The following PNPT1 variants were observed in gnomAD, a reference collection of about 807,000 sequenced individuals.
The protein encoded by PNPT1 is polyribonucleotide nucleotidyltransferase 1, also known as polyribonucleotide nucleotidyltransferase 1, mitochondrial.
PNPT1 carries 53 observed loss-of-function variants against 119.5 expected under a neutral mutation model. The observed-to-expected ratio is 0.44, with a 90% CI of 0.36 to 0.56. The LOEUF (loss-of-function observed/expected upper bound fraction) is 0.56, where lower values mean the gene tolerates loss of function less well. Ranked by LOEUF, PNPT1 falls within the 20% of genes least tolerant of loss-of-function variation. PNPT1 has a pLI of 0.00. For missense variants in PNPT1, 948 were observed against 938.5 expected, an observed-to-expected ratio of 1.01 and a Z score of -0.13; for synonymous variants, 357 against 322.1, an observed-to-expected ratio of 1.11 and a Z score of -1.16.
At chr2:55,662,225 G>A (rs1696601618) in intron 13 of PNPT1, among the ~76,000 whole-genome samples, 199 bp from the exon 14 acceptor site, 1 of 152,256 alleles carries the variant, frequency 6.6e-6, no homozygotes, top group Admixed American at 6.5e-5. Context: ...ATAATCCAAA[G>A]TTCTAACATC....
intron 1 of PNPT1, among the ~76,000 whole-genome samples, chr2:55,692,790 G>A (rs939421132): frequency 2.0e-5 from 3 of 152,060 alleles, no homozygotes; most frequent in South Asian, 4.1e-4. Context: ...CACACTTTAG[G>A]CAATCAATTA....
At chr2:55,661,536 G>T (rs560988889) in intron 14 of PNPT1, among the ~76,000 whole-genome samples, 1 of 152,254 alleles carries the variant, frequency 6.6e-6, no homozygotes, top group South Asian at 2.1e-4. Flanking sequence ...AAATCACAAC[G>T]TGGCTTGGGA....
intron 5 of PNPT1, among the ~76,000 whole-genome samples, chr2:55,681,334 G>T (rs1202597448): frequency 2.0e-5 from 3 of 152,078 alleles, no homozygotes; most frequent in Non-Finnish European, 4.4e-5. Flanking sequence ...TTCAACCCAG[G>T]AGGCAGAGGT....
intron 18 of PNPT1, among the ~76,000 whole-genome samples, chr2:55,652,661 T>G (rs968266306): frequency 5.9e-5 from 9 of 152,200 alleles, no homozygotes; most frequent in African/African-American, 2.2e-4. Flanking sequence ...TTATTTAGTC[T>G]AAATTTCTGC....
intron 18 of PNPT1, among the ~76,000 whole-genome samples, chr2:55,650,349 T>G (rs1328167067): frequency 1.3e-5 from 2 of 152,216 alleles, no homozygotes; most frequent in African/African-American, 4.8e-5. Flanking sequence ...TTCGCTGTGT[T>G]GGCTGGGCTG....
In PNPT1 at chr2:55,683,844, GA is replaced by G. The variant is rs758474535; in HGVS notation, c.404-11del. 1.7e-5 allele frequency: 27 copies of G among 1,579,274 alleles called. No individual in the cohort carries two copies. The highest frequency in any genetic ancestry group is 9.6e-5 in the African/African-American group (7 of 72,950). On this transcript the variant is annotated splice_polypyrimidine_tract_variant and intron_variant, in intron 4 of 27. Transcript: ENST00000447944. Reference sequence around the variant, plus strand: ...GGTCTAATTGAACGATCTGCCAAAAGAAAAAAAAACACATTAAACCGTACTG... The same window carrying G: ...GGTCTAATTGAACGATCTGCCAAAAGAAAAAAAACACATTAAACCGTACTG...
At chr2:55,651,364 C>T (rs1465211090) in intron 18 of PNPT1, among the ~76,000 whole-genome samples, 1 of 152,034 alleles carries the variant, frequency 6.6e-6, no homozygotes, top group East Asian at 1.9e-4. Context: ...ATTGAGAAAT[C>T]GGATGGTTGC....
chr2:55,689,769 T>A (rs944391909), intron 1 of PNPT1, among the ~76,000 whole-genome samples: 4 of 152,204 alleles, frequency 2.6e-5, no homozygotes, highest in African/African-American at 9.7e-5. Context: ...ATGGTGGTAA[T>A]GGCTGCAAAA....
At chr2:55,692,997 GGTCTCTTTTTTTTGCT>G (rs1697669719) in intron 1 of PNPT1, among the ~76,000 whole-genome samples, 1 of 151,770 alleles carries the variant, frequency 6.6e-6, no homozygotes, top group Non-Finnish European at 1.5e-5. Context: ...CCTCCCTCTT[GGTCTCTTTTTTTTGCT>G]GTCTCTTTCT....
chr2:55,679,726 C>A lies in PNPT1; in HGVS notation c.635G>T (p.Ser212Ile), dbSNP rs1010322579. The change falls in exon 8 of 28, where the codon AGT (serine) becomes ATT (isoleucine). Residue 212 changes from serine (S) to isoleucine (I), a missense_variant. Physicochemically the swap from Ser to Ile is moderately radical, Grantham distance 142. Coordinates refer to ENST00000447944, the MANE Select transcript of PNPT1 (RefSeq NM_033109.5). ...VNPTRKEMSSSTLNLVVAGAP... is the reference protein window; with the variant it reads ...VNPTRKEMSSITLNLVVAGAP... The stretch of plus-strand genomic sequence containing the variant: ...TCCAGCAACCACTAAATTTAAAGTA[C>A]TAGAAGACATTTCTTTTCTTGTTGG... 1 of 1,612,728 alleles carries A rather than the reference C, an allele frequency of 6.2e-7. No individual in the cohort carries two copies.
chr2:55,684,823 T>A, intron 4 of PNPT1, 120 bp downstream of exon 4: 1 of 1,237,598 alleles, frequency 8.1e-7, no homozygotes, highest in Non-Finnish European at 1.0e-6. Context: ...GTGAATAATC[T>A]TAGGTGGTGT....
rs117414261 is a variant in PNPT1 at position 55,678,143 on chromosome 2, T to G, written c.679+1539A>C. On this transcript the variant is annotated intron_variant, in intron 8 of 27. Transcript: ENST00000447944. The stretch of plus-strand genomic sequence containing the variant: ...GACTCTTATCTTCATAACTACCCTG[T>G]AAAGTAATGAGACTAGTTTACTAAC... Among the ~76,000 whole-genome samples the G allele has an allele frequency of 2.0e-5, 3 of 152,340 alleles. No individual in the cohort carries two copies. The East Asian group carries it at 5.8e-4, about 29-fold the overall frequency.
intron 18 of PNPT1, among the ~76,000 whole-genome samples, chr2:55,649,480 T>G (rs978976955): frequency 6.6e-6 from 1 of 152,212 alleles, no homozygotes; most frequent in African/African-American, 2.4e-5. Flanking sequence ...TTACCCTAAA[T>G]ATTAAAATAC....
At chr2:55,682,319 GTGTGGTGGCAGACACCT>G (rs1697273520) in intron 5 of PNPT1, among the ~76,000 whole-genome samples, 1 of 151,642 alleles carries the variant, frequency 6.6e-6, no homozygotes, top group Admixed American at 6.6e-5. Flanking sequence ...AATTAGCCAG[GTGTGGTGGCAGACACCT>G]GTAATCCCAG....
intron 3 of PNPT1, among the ~76,000 whole-genome samples, chr2:55,685,390 C>G (rs1467024839): frequency 6.6e-6 from 1 of 152,108 alleles, no homozygotes; most frequent in South Asian, 2.1e-4. Context: ...TAGTTGGGCA[C>G]AATGGCCTGT....
chr2:55,649,250 G>A (rs1696096455), intron 18 of PNPT1, among the ~76,000 whole-genome samples: 5 of 152,078 alleles, frequency 3.3e-5, no homozygotes, highest in Admixed American at 3.3e-4. Context: ...ACCAGCCTGG[G>A]CAATATATTG....
intron 5 of PNPT1, among the ~76,000 whole-genome samples, chr2:55,683,127 A>C (rs550105973): frequency 3.9e-5 from 6 of 152,312 alleles, no homozygotes; most frequent in Non-Finnish European, 8.8e-5. Flanking sequence ...AAAATTAGTT[A>C]CGTTAGTTGT....
At position 55,686,509 on chromosome 2, in the gene PNPT1, C is replaced by A. The variant is rs72807624; in HGVS notation, c.223-65G>T. On this transcript the variant is annotated intron_variant, in intron 2 of 27. Transcript: ENST00000447944. ...TCAGATATTAGCATCTAAGTAGCAACTGAATAAATCCTTACTCCAATTAAA... is the reference window on the plus strand; with the variant it reads ...TCAGATATTAGCATCTAAGTAGCAAATGAATAAATCCTTACTCCAATTAAA... 46,444 of 1,194,512 alleles carry A rather than the reference C, an allele frequency of 0.039. 1,292 individuals carry two copies. The highest frequency in any genetic ancestry group is 0.098 in the South Asian group (7,393 of 75,792). 74.0% of individuals were successfully genotyped at this position (1,194,512 alleles called of 1,614,324 possible). A position where few individuals can be genotyped will look rare whatever the true frequency, so the allele number is the denominator to read the frequency against.
At chr2:55,673,189 T>C (rs1288449809) in intron 8 of PNPT1, 110 bp from the exon 9 acceptor site, 3 of 808,552 alleles carry the variant, frequency 3.7e-6, no homozygotes, top group Non-Finnish European at 5.5e-6. Flanking sequence ...TTTTACTTCT[T>C]AGTGATAGAT....
Sources: allele counts gnomAD v4.1 joint callset (sites outside exome capture counted in the v4.1 genomes callset), GRCh38; gene constraint gnomAD v4.1.1; transcripts MANE v1.5; gene names NCBI Gene and HGNC (gene_info 2026-07-23, HGNC 2026-07-21).